Variants in PCDHGA4 observed in about 807,000 individuals in gnomAD.
PCDHGA4 encodes protocadherin gamma-A4.
In PCDHGA4, 38 loss-of-function variants were observed where a neutral mutation model predicts 54.6. The ratio of observed to expected loss-of-function variants is 0.70; its 90% CI spans 0.54 to 0.91. The LOEUF is 0.91. PCDHGA4 is among the 40% of genes least tolerant of loss of function. PCDHGA4 has a pLI of 0.00. For synonymous variants in PCDHGA4, 511 were observed against 512.9 expected, an observed-to-expected ratio of 1.00 and a Z score of 0.05; for missense variants, 1,298 against 1,220.9, an observed-to-expected ratio of 1.06 and a Z score of -0.94.
At chr5:141,509,968 C>A (rs1450809995) in intron 3 of PCDHGA4, among the ~76,000 whole-genome samples, 1 of 152,166 alleles carries the variant, frequency 6.6e-6, no homozygotes, top group Non-Finnish European at 1.5e-5. Context: ...TGGCCTTGGT[C>A]CTTCTAACAC....
intron 1 of PCDHGA4, chr5:141,365,663 G>A (rs117201633): frequency 1.9e-6 from 3 of 1,613,390 alleles, no homozygotes; most frequent in African/African-American, 1.3e-5. Context: ...AGTAGCAGAC[G>A]TTAATGACAA....
intron 2 of PCDHGA4, among the ~76,000 whole-genome samples, chr5:141,504,369 A>G (rs968327872): frequency 6.6e-5 from 10 of 152,272 alleles, no homozygotes; most frequent in Non-Finnish European, 1.2e-4. Context: ...AGTAGGAAGC[A>G]GGTGGAGTCG....
intron 1 of PCDHGA4, among the ~76,000 whole-genome samples, chr5:141,381,836 T>TCTTCTTC (rs1247595630): frequency 6.4e-5 from 9 of 139,950 alleles, no homozygotes; most frequent in African/African-American, 2.6e-4. Flanking sequence ...CTTTTTTTTT[T>TCTTCTTC]TTTTTTTTTT....
intron 1 of PCDHGA4, chr5:141,365,094 T>C: frequency 2.5e-6 from 4 of 1,613,786 alleles, no homozygotes; most frequent in East Asian, 2.2e-5. Context: ...CCAGAGAACA[T>C]ACCTGTGGGC....
chr5:141,375,216 T>A (rs1368760534), intron 1 of PCDHGA4: 1 of 1,614,014 alleles, frequency 6.2e-7, no homozygotes, highest in Admixed American at 1.7e-5. Context: ...GACTCTGGCC[T>A]GAATGGCCTG....
At chr5:141,500,223 T>TTG (rs1227708024) in intron 2 of PCDHGA4, among the ~76,000 whole-genome samples, 1 of 145,320 alleles carries the variant, frequency 6.9e-6, no homozygotes, top group Non-Finnish European at 1.5e-5. Flanking sequence ...TTTATTTATT[T>TTG]ATTGATACGT....
intron 1 of PCDHGA4, chr5:141,366,482 C>A: frequency 6.2e-7 from 1 of 1,614,242 alleles, no homozygotes; most frequent in Non-Finnish European, 8.5e-7. Flanking sequence ...CAGACTGAGG[C>A]GCTGGCACAA....
chr5:141,370,357 C>G, intron 1 of PCDHGA4: 2 of 1,511,536 alleles, frequency 1.3e-6, no homozygotes, highest in East Asian at 2.3e-5. Flanking sequence ...AAGATCTCCT[C>G]TCCTCGGATT....
intron 1 of PCDHGA4, chr5:141,413,141 G>A: frequency 1.3e-6 from 2 of 1,564,906 alleles, no homozygotes; most frequent in Non-Finnish European, 1.7e-6. Context: ...AACGTGTCCA[G>A]TGAGGACTTT....
At chr5:141,392,760 A>C in intron 1 of PCDHGA4, 1 of 1,475,092 alleles carries the variant, frequency 6.8e-7, no homozygotes, top group Non-Finnish European at 9.0e-7. Context: ...GAAACTAAAT[A>C]AGACCCATTT....
At chr5:141,420,634 G>A (rs891111955) in intron 1 of PCDHGA4, among the ~76,000 whole-genome samples, 2 of 152,080 alleles carry the variant, frequency 1.3e-5, no homozygotes, top group African/African-American at 4.8e-5. Context: ...CTCAATAAAG[G>A]AACCTTGTAA....
At chr5:141,403,513 T>C (rs754840157) in intron 1 of PCDHGA4, 1 of 1,613,714 alleles carries the variant, frequency 6.2e-7, no homozygotes, top group East Asian at 2.2e-5. Flanking sequence ...CTGGAGACAA[T>C]GGAGCCATAA....
At chr5:141,399,959 G>A (rs1257286209) in intron 1 of PCDHGA4, 4 of 1,612,230 alleles carry the variant, frequency 2.5e-6, no homozygotes, top group South Asian at 1.1e-5. Flanking sequence ...AGCGAGCCCG[G>A]GCTCTTCAGC....
rs755270981 is a variant in PCDHGA4, at chr5:141,408,462, AGAACC to A, written c.2514+50845_2514+50849del. On this transcript the variant is annotated intron_variant, in intron 1 of 3. Coordinates refer to ENST00000571252, the MANE Select transcript of PCDHGA4 (RefSeq NM_018917.4). Reference sequence around the variant, plus strand: ...GCGGAGAGCGGGGACTTACTTGTGAAGAACCGAATAGACCGTGAGCAAATATGCAA... The same window carrying A: ...GCGGAGAGCGGGGACTTACTTGTGAAGAATAGACCGTGAGCAAATATGCAA... 2.2e-5 allele frequency: 35 copies of A among 1,613,962 alleles called. No homozygotes were observed. The South Asian group carries it at 3.3e-4, about 15-fold the overall frequency.
intron 1 of PCDHGA4, among the ~76,000 whole-genome samples, chr5:141,425,003 T>C (rs75915888): frequency 0.036 from 5,431 of 152,274 alleles, 181 homozygotes; most frequent in African/African-American, 0.084. Context: ...AGTTTAGTTT[T>C]CTCATTTAGG....
At chr5:141,482,901 A>G (rs192886570) in intron 1 of PCDHGA4, among the ~76,000 whole-genome samples, 1 of 152,122 alleles carries the variant, frequency 6.6e-6, no homozygotes, top group Admixed American at 6.6e-5. Context: ...GTGAAACCTC[A>G]TCTCTATTAA....
chr5:141,433,056 G>C, intron 1 of PCDHGA4: 10 of 1,614,204 alleles, frequency 6.2e-6, no homozygotes, highest in Non-Finnish European at 8.5e-6. Context: ...TCGCGGAAGA[G>C]TCACCTGATC....
chr5:141,461,902 C>A (rs1477274695), intron 1 of PCDHGA4, among the ~76,000 whole-genome samples: 1 of 152,116 alleles, frequency 6.6e-6, no homozygotes, highest in African/African-American at 2.4e-5. Flanking sequence ...CGGCTCACTG[C>A]AACCTCTGCC....
intron 1 of PCDHGA4, chr5:141,370,272 A>G: frequency 1.3e-6 from 1 of 794,346 alleles, no homozygotes; most frequent in Non-Finnish European, 1.9e-6. Context: ...TGCAGCGGAG[A>G]CACCCATTAG....
Sources: allele counts gnomAD v4.1 joint callset (sites outside exome capture counted in the v4.1 genomes callset), GRCh38; gene constraint gnomAD v4.1.1; transcripts MANE v1.5; gene names NCBI Gene and HGNC (gene_info 2026-07-23, HGNC 2026-07-21).